PDE4D: variants seen among roughly 807,000 people sequenced by gnomAD.
The protein encoded by PDE4D is 3',5'-cyclic-AMP phosphodiesterase 4D.
PDE4D carries 24 observed loss-of-function variants against 87.4 expected under a neutral mutation model. The observed-to-expected ratio is 0.27, with a 90% CI of 0.20 to 0.39. The LOEUF (loss-of-function observed/expected upper bound fraction) is 0.39, where lower values mean the gene tolerates loss of function less well. Among genes scored for constraint, PDE4D ranks in the 10% least tolerant of loss-of-function variants. The probability of loss-of-function intolerance (pLI) is 1.00; values close to 1 mark genes in which losing one functional copy is unlikely to be tolerated. For synonymous variants in PDE4D, 384 were observed against 383.2 expected, an observed-to-expected ratio of 1.00 and a Z score of -0.02; for missense variants, 714 against 1,041.0, an observed-to-expected ratio of 0.69 and a Z score of 4.32.
chr5:59,176,334 C>G (rs1431907947), intron 5 of PDE4D, among the ~76,000 whole-genome samples: 13 of 152,056 alleles, frequency 8.5e-5, no homozygotes. Flanking sequence ...GGGTGGATCA[C>G]CTGAGGTCAG....
At chr5:60,512,173 A>G (rs1750606546) in intron 1 of PDE4D, among the ~76,000 whole-genome samples, 1 of 152,226 alleles carries the variant, frequency 6.6e-6, no homozygotes, top group African/African-American at 2.4e-5. Context: ...TGAGATTCTT[A>G]GAGAATGAAC....
chr5:59,035,943 G>T (rs1758426849), intron 6 of PDE4D, among the ~76,000 whole-genome samples: 1 of 152,132 alleles, frequency 6.6e-6, no homozygotes, highest in Non-Finnish European at 1.5e-5. Context: ...TCCTACATGT[G>T]TTACAGCCAA....
At chr5:59,023,229 T>C (rs1227135996) in intron 6 of PDE4D, among the ~76,000 whole-genome samples, 1 of 151,762 alleles carries the variant, frequency 6.6e-6, no homozygotes, top group Admixed American at 6.6e-5. Flanking sequence ...AATAAACACT[T>C]GTTCTTCTAT....
intron 1 of PDE4D, among the ~76,000 whole-genome samples, chr5:59,330,233 C>T (rs1165923049): frequency 6.6e-6 from 1 of 152,268 alleles, no homozygotes; most frequent in East Asian, 1.9e-4. Flanking sequence ...TTGGTAAACT[C>T]ATCTAAATTT....
At chr5:60,105,028 T>C (rs750438426) in intron 2 of PDE4D, among the ~76,000 whole-genome samples, 3 of 152,078 alleles carry the variant, frequency 2.0e-5, no homozygotes, top group African/African-American at 7.2e-5. Flanking sequence ...CTTTGACGAG[T>C]TGAGAGAAGA....
chr5:60,364,835 G>C lies in PDE4D; in HGVS notation c.-90+123107C>G, dbSNP rs367597179. Among the ~76,000 whole-genome samples the C allele has an allele frequency of 1.2e-4, 19 of 152,284 alleles. No homozygotes were observed. In the East Asian group the frequency reaches 2.5e-3, roughly 20 times the overall value. The stretch of plus-strand genomic sequence containing the variant: ...TCTGTTTTTAAAACCAAAATATACA[G>C]ATTACCTCTATCCCAAGAAGCAGAA... On this transcript the variant is annotated intron_variant, in intron 1 of 16. Coordinates refer to the PDE4D transcript ENST00000502484.
chr5:59,039,367 C>A, intron 5 of PDE4D: 2 of 1,026,120 alleles, frequency 1.9e-6, no homozygotes, highest in Non-Finnish European at 2.3e-6. Context: ...CTTGGGTGCC[C>A]GCCCCGCAGA....
intron 1 of PDE4D, among the ~76,000 whole-genome samples, chr5:59,525,584 TTG>T (rs1359665057): frequency 6.6e-6 from 1 of 152,176 alleles, no homozygotes; most frequent in East Asian, 1.9e-4. Context: ...GAAGGCATAA[TTG>T]TGTTTTGAAA....
At chr5:59,618,997 C>T (rs1180952422) in intron 1 of PDE4D, among the ~76,000 whole-genome samples, 1 of 152,088 alleles carries the variant, frequency 6.6e-6, no homozygotes, top group Non-Finnish European at 1.5e-5. Flanking sequence ...TATAAATTAC[C>T]CAGTTTTAGG....
chr5:60,397,657 G>T (rs1016120939), intron 1 of PDE4D, among the ~76,000 whole-genome samples: 8 of 152,170 alleles, frequency 5.3e-5, no homozygotes, highest in Admixed American at 5.2e-4. Context: ...AGTTGTAAGT[G>T]GGAGAGATAT....
chr5:59,814,687 A>G (rs1174561352), intron 1 of PDE4D, among the ~76,000 whole-genome samples: 1 of 152,216 alleles, frequency 6.6e-6, no homozygotes, highest in Non-Finnish European at 1.5e-5. Context: ...CTCTCGCCAC[A>G]AAAGGGGGTT....
At chr5:59,326,883 T>A (rs904470098) in intron 1 of PDE4D, among the ~76,000 whole-genome samples, 1 of 152,170 alleles carries the variant, frequency 6.6e-6, no homozygotes, top group South Asian at 2.1e-4. Context: ...TTTAATGACT[T>A]CATCATTTCC....
chr5:59,302,077 G>T (rs1341968372), intron 1 of PDE4D, among the ~76,000 whole-genome samples: 2 of 152,066 alleles, frequency 1.3e-5, no homozygotes, highest in Non-Finnish European at 2.9e-5. Context: ...CCTTCCTTTG[G>T]GGGCACTAGA....
chr5:59,879,932 G>A (rs1385306128), intron 1 of PDE4D, among the ~76,000 whole-genome samples: 1 of 152,078 alleles, frequency 6.6e-6, no homozygotes, highest in Non-Finnish European at 1.5e-5. Context: ...GTAGAGACAG[G>A]GTTTCACCAT....
chr5:60,067,349 C>G (rs1198375996), intron 2 of PDE4D, among the ~76,000 whole-genome samples: 2 of 152,026 alleles, frequency 1.3e-5, no homozygotes, highest in African/African-American at 4.8e-5. Context: ...TAGAGGAAAG[C>G]TCAGTCTATG....
At chr5:59,147,119 T>G (rs1368378542) in intron 5 of PDE4D, among the ~76,000 whole-genome samples, 3 of 152,058 alleles carry the variant, frequency 2.0e-5, no homozygotes, top group Non-Finnish European at 4.4e-5. Flanking sequence ...AACCAACCCC[T>G]CTCCCCACCA....
chr5:59,134,033 G>C (rs1776671057), intron 5 of PDE4D, among the ~76,000 whole-genome samples: 2 of 150,750 alleles, frequency 1.3e-5, no homozygotes, highest in Admixed American at 1.3e-4. Context: ...GACAAGCTTA[G>C]TAATGCATTA....
At chr5:60,077,844 C>A (rs1394883337) in intron 2 of PDE4D, among the ~76,000 whole-genome samples, 2 of 152,152 alleles carry the variant, frequency 1.3e-5, no homozygotes, top group African/African-American at 2.4e-5. Context: ...GAGATCCATG[C>A]GAGAGTGGAT....
At chr5:60,221,099 A>T (rs1307203423) in intron 1 of PDE4D, among the ~76,000 whole-genome samples, 1 of 152,152 alleles carries the variant, frequency 6.6e-6, no homozygotes, top group African/African-American at 2.4e-5. Flanking sequence ...ATAACAATTG[A>T]AAGTGATGCT....
Sources: gnomAD v4.1 joint callset for allele counts (sites outside exome capture counted in the v4.1 genomes callset) on GRCh38, gnomAD v4.1.1 for gene constraint, MANE v1.5 for transcripts, NCBI Gene and HGNC (gene_info 2026-07-23, HGNC 2026-07-21) for gene names.